KDM4C: variants seen among roughly 807,000 people sequenced by gnomAD.
KDM4C encodes the protein lysine demethylase 4C.
In KDM4C, 81 loss-of-function variants were observed where a neutral mutation model predicts 129.3. The ratio of observed to expected loss-of-function variants is 0.63; its 90% confidence interval spans 0.52 to 0.75. KDM4C has a LOEUF of 0.75. Ranked by LOEUF, KDM4C falls within the 30% of genes least tolerant of loss-of-function variation. The probability of loss-of-function intolerance (pLI) is 0.00; values close to 1 mark genes in which losing one functional copy is unlikely to be tolerated. For synonymous variants in KDM4C, 573 were observed against 456.1 expected, an observed-to-expected ratio of 1.26 and a Z score of -3.26; for missense variants, 1,457 against 1,304.0, an observed-to-expected ratio of 1.12 and a Z score of -1.81.
intron 17 of KDM4C, among the ~76,000 whole-genome samples, chr9:7,058,310 C>CT (rs1162083832): frequency 6.6e-6 from 1 of 152,136 alleles, no homozygotes; most frequent in Admixed American, 6.5e-5. Flanking sequence ...GAATTTTAGA[C>CT]TAACGATGCA....
At chr9:7,090,360 A>G (rs1236400598) in intron 17 of KDM4C, among the ~76,000 whole-genome samples, 1 of 152,196 alleles carries the variant, frequency 6.6e-6, no homozygotes, top group Non-Finnish European at 1.5e-5. Context: ...ATTTATCTCC[A>G]CAGCTTGTTA....
rs759501262 is a variant in KDM4C, at chr9:7,016,425, CT to C, written c.2259+515del. Among the ~76,000 whole-genome samples, 138 of 102,706 alleles carry C rather than the reference CT, an allele frequency of 1.3e-3. 1 individual carries two copies. Among genetic ancestry groups the C allele is most frequent in the South Asian group, 2.1e-3 (6 of 2,918 alleles). 67.4% of individuals were successfully genotyped at this position (102,706 alleles called of 152,430 possible). A position where few individuals can be genotyped will look rare whatever the true frequency, so the allele number is the denominator to read the frequency against. On this transcript the variant is annotated intron_variant, in intron 15 of 21. Coordinates refer to ENST00000381309, the MANE Select transcript of KDM4C (RefSeq NM_015061.6). The stretch of plus-strand genomic sequence containing the variant: ...TACAGGCGGGAGCCACTGTTCCTGG[CT>C]TTTTTTTTTTTTTTTTTTGAGATGG...
At chr9:6,836,634 C>T (rs769301678) in intron 4 of KDM4C, among the ~76,000 whole-genome samples, 19 of 152,048 alleles carry the variant, frequency 1.2e-4, no homozygotes, top group Non-Finnish European at 2.5e-4. Flanking sequence ...CATGCATGCA[C>T]GTATTTTAAC....
intron 5 of KDM4C, among the ~76,000 whole-genome samples, chr9:6,862,839 CAAA>C (rs1554613996): frequency 6.7e-6 from 1 of 149,102 alleles, no homozygotes; most frequent in African/African-American, 2.5e-5. Context: ...AACAAACAAA[CAAA>C]AAACAAAAAA....
intron 1 of KDM4C, chr9:6,721,046 GGTTCTGTCACACTTAAAGCAAT>G (rs1376830521): frequency 6.8e-7 from 1 of 1,472,238 alleles, no homozygotes; most frequent in Non-Finnish European, 9.3e-7. Context: ...CATAGTTGGT[GGTTCTGTCACACTTAAAGCAAT>G]GTTAATTTCT....
At chr9:7,095,054 A>G (rs1016480821) in intron 17 of KDM4C, among the ~76,000 whole-genome samples, 9 of 152,248 alleles carry the variant, frequency 5.9e-5, no homozygotes, top group East Asian at 1.9e-4. Context: ...CAAGGTAAGT[A>G]TATATAGCAG....
At chr9:6,785,149 C>G (rs11792706) in intron 1 of KDM4C, among the ~76,000 whole-genome samples, 10,778 of 152,154 alleles carry the variant, frequency 0.071, 458 homozygotes, top group East Asian at 0.2. Flanking sequence ...GGCTAAAGGC[C>G]AAAATCAAGG....
At chr9:7,119,120 A>G (rs896967543) in intron 18 of KDM4C, among the ~76,000 whole-genome samples, 7 of 152,168 alleles carry the variant, frequency 4.6e-5, no homozygotes, top group African/African-American at 1.7e-4. Context: ...TAGGCCACCA[A>G]GAAATTACCT....
At chr9:7,027,953 T>C (rs1335282037) in intron 15 of KDM4C, among the ~76,000 whole-genome samples, 1 of 151,986 alleles carries the variant, frequency 6.6e-6, no homozygotes, top group Non-Finnish European at 1.5e-5. Context: ...CAGTTTGTGG[T>C]GAATAGTGCC....
chr9:7,137,169 CA>C (rs1841299059), intron 19 of KDM4C, among the ~76,000 whole-genome samples: 1 of 152,156 alleles, frequency 6.6e-6, no homozygotes, highest in South Asian at 2.1e-4. Context: ...TTAAGGGAGT[CA>C]GGGCATTGGC....
At chr9:6,776,452 A>G (rs1823060303) in intron 1 of KDM4C, among the ~76,000 whole-genome samples, 1 of 151,956 alleles carries the variant, frequency 6.6e-6, no homozygotes, top group African/African-American at 2.4e-5. Context: ...TAGTAGAGAC[A>G]GAGTTTCCAC....
Position 6,844,561 on chromosome 9 carries a change from G to A in KDM4C, c.436-4946G>A, listed in dbSNP as rs74345053. 4.6e-5 allele frequency among the ~76,000 whole-genome samples: 7 copies of A among 152,222 alleles called. No homozygotes were observed. In the East Asian group the frequency reaches 1.3e-3, roughly 29 times the overall value. ...CGTGGTCAAATGATTTTTGGGAAAT[G>A]CAGAGTTAAACGAAGTTACACAGGT... On this transcript the variant is annotated intron_variant, in intron 4 of 21. Coordinates refer to ENST00000381309, the MANE Select transcript of KDM4C (RefSeq NM_015061.6).
Position 7,142,264 on chromosome 9 carries a change from C to A in KDM4C, c.2781+14028C>A, listed in dbSNP as rs557713467. On this transcript the variant is annotated intron_variant, in intron 19 of 21. Coordinates refer to ENST00000381309, the MANE Select transcript of KDM4C (RefSeq NM_015061.6). ...GCATGCAGCCTTGTGTGCTCTACCC[C>A]GGAACTTTTAATCCCCCTGTTTCCT... Among the ~76,000 whole-genome samples the A allele has an allele frequency of 1.1e-3, 172 of 152,264 alleles. 3 individuals carry two copies. Among genetic ancestry groups the A allele is most frequent in the African/African-American group, 4.0e-3 (167 of 41,544 alleles).
At chr9:6,870,105 G>C (rs908709315) in intron 5 of KDM4C, among the ~76,000 whole-genome samples, 3 of 152,066 alleles carry the variant, frequency 2.0e-5, no homozygotes, top group Non-Finnish European at 4.4e-5. Flanking sequence ...TTTGAGTTTT[G>C]TGAAATATAC....
rs7875658 is a variant in KDM4C, at chr9:6,832,826, C to G, written c.436-16681C>G. On this transcript the variant is annotated intron_variant, in intron 4 of 21. Coordinates refer to ENST00000381309, the MANE Select transcript of KDM4C (RefSeq NM_015061.6). ...CACTGCAACCTCTGCCTCCTGAGTT[C>G]AAGGGATTCTCCTGCCTCAGACTCT... Among the ~76,000 whole-genome samples the G allele has an allele frequency of 4.5e-4, 67 of 149,196 alleles. 1 individual carries two copies. Among genetic ancestry groups the G allele is most frequent in the African/African-American group, 1.6e-3 (64 of 40,384 alleles).
chr9:6,767,017 T>C (rs764507366), intron 1 of KDM4C, among the ~76,000 whole-genome samples: 1 of 152,222 alleles, frequency 6.6e-6, no homozygotes, highest in Non-Finnish European at 1.5e-5. Context: ...TGTTCTGTTC[T>C]GAGAGTCCAT....
At chr9:7,018,201 C>T (rs1248592870) in intron 15 of KDM4C, among the ~76,000 whole-genome samples, 1 of 152,210 alleles carries the variant, frequency 6.6e-6, no homozygotes, top group Non-Finnish European at 1.5e-5. Context: ...CCCATTGCTA[C>T]TAATGTCCTG....
At chr9:6,931,151 T>C (rs2131307888) in intron 8 of KDM4C, among the ~76,000 whole-genome samples, 1 of 150,008 alleles carries the variant, frequency 6.7e-6, no homozygotes, top group East Asian at 2.0e-4. Context: ...ACTTTATGTC[T>C]TGAATTCCCT....
At chr9:7,088,204 C>T (rs10758824) in intron 17 of KDM4C, among the ~76,000 whole-genome samples, 1 of 151,848 alleles carries the variant, frequency 6.6e-6, no homozygotes, top group African/African-American at 2.4e-5. Flanking sequence ...TTGTCTGCCT[C>T]GGAAGGACCC....
Sources: allele counts gnomAD v4.1 joint callset (sites outside exome capture counted in the v4.1 genomes callset), GRCh38; gene constraint gnomAD v4.1.1; transcripts MANE v1.5; gene names NCBI Gene and HGNC (gene_info 2026-07-23, HGNC 2026-07-21).